DST: variants seen among roughly 807,000 people sequenced by gnomAD.
The protein encoded by DST is dystonin.
Under a neutral mutation model 875.2 loss-of-function variants are expected in DST, and 253 were observed. That is an observed-to-expected ratio of 0.29 (90% CI 0.26 to 0.32). The LOEUF (loss-of-function observed/expected upper bound fraction) is 0.32. Ranked by LOEUF, DST falls within the 10% of genes least tolerant of loss-of-function variation. The pLI is 1.00. For missense variants in DST, 8,287 were observed against 9,111.6 expected (o/e 0.91, Z 3.68); for synonymous variants, 3,124 against 3,197.1 (o/e 0.98, Z 0.77).
At chr6:56,490,524 A>G (rs2095701834) in intron 85 of DST, among the ~76,000 whole-genome samples, 1 of 152,218 alleles carries the variant, frequency 6.6e-6, no homozygotes, top group Non-Finnish European at 1.5e-5. Context: ...GTAAGGACAC[A>G]GACTCACAAA....
At chr6:56,719,029 A>G (rs558592468) in intron 5 of DST, among the ~76,000 whole-genome samples, 58 of 152,330 alleles carry the variant, frequency 3.8e-4, no homozygotes, top group African/African-American at 1.3e-3. Flanking sequence ...AAGCACTTAA[A>G]TGAATTTTAT....
intron 3 of DST, among the ~76,000 whole-genome samples, chr6:56,893,588 AT>A (rs1788963958): frequency 3.1e-5 from 2 of 65,140 alleles, no homozygotes; most frequent in African/African-American, 9.0e-5. Context: ...TTTTTTTTTT[AT>A]TTTTTTTTAT....
chr6:56,535,489 G>A (rs531713038), intron 62 of DST, among the ~76,000 whole-genome samples, 197 bp from the exon 63 acceptor site: 1 of 152,310 alleles, frequency 6.6e-6, no homozygotes, highest in East Asian at 1.9e-4. Context: ...AAGTAGGCAT[G>A]AAAATAAGGT....
intron 5 of DST, among the ~76,000 whole-genome samples, chr6:56,716,021 G>C (rs879365438): frequency 6.6e-6 from 1 of 152,110 alleles, no homozygotes; most frequent in Non-Finnish European, 1.5e-5. Flanking sequence ...TTTCTCCTAT[G>C]AATCTGTCTG....
intron 36 of DST, chr6:56,614,754 T>A (rs996985498): frequency 9.4e-7 from 1 of 1,066,532 alleles, no homozygotes; most frequent in Non-Finnish European, 1.1e-6. Context: ...AAATTTTAAA[T>A]CTCAACTTTA....
At chr6:56,952,314 A>G (rs189392490) in intron 2 of DST, among the ~76,000 whole-genome samples, 3 of 152,360 alleles carry the variant, frequency 2.0e-5, no homozygotes, top group African/African-American at 7.2e-5. Flanking sequence ...ATAATAATCC[A>G]AAACAGGATT....
intron 4 of DST, among the ~76,000 whole-genome samples, chr6:56,749,308 T>A (rs1181176898): frequency 6.6e-6 from 1 of 151,988 alleles, no homozygotes; most frequent in Non-Finnish European, 1.5e-5. Context: ...GAGACGAGAT[T>A]GGGCCACTGC....
rs16888070 is a variant in DST, at chr6:56,631,536, T to C, written c.3964-147A>G. 0.066 allele frequency: 45,962 copies of C among 701,704 alleles called. 4,757 individuals are homozygous for C. The highest frequency in any genetic ancestry group is 0.38 in the African/African-American group (21,319 of 55,618). 43.5% of individuals were successfully genotyped at this position (701,704 alleles called of 1,614,324 possible). ...TTTGTTTGTTATCAAAGAAACTACATCATAGCATTCAAGTTTTACAATCAA... is the reference window on the plus strand; with the variant it reads ...TTTGTTTGTTATCAAAGAAACTACACCATAGCATTCAAGTTTTACAATCAA... On this transcript the variant is annotated intron_variant, in intron 29 of 103. Transcript: ENST00000680361.
At chr6:56,689,559 A>G (rs1276033699) in intron 9 of DST, among the ~76,000 whole-genome samples, 1 of 152,198 alleles carries the variant, frequency 6.6e-6, no homozygotes, top group Non-Finnish European at 1.5e-5. Context: ...GTGTTTTTCA[A>G]TAAGCAATCT....
intron 9 of DST, among the ~76,000 whole-genome samples, chr6:56,685,718 C>G (rs2099181113): frequency 6.6e-6 from 1 of 152,036 alleles, no homozygotes; most frequent in African/African-American, 2.4e-5. Flanking sequence ...CCACTGAATT[C>G]TAGCCTGGGC....
chr6:56,703,790 G>T, intron 6 of DST, 44 bp from the exon 7 acceptor site: 1 of 705,434 alleles, frequency 1.4e-6, no homozygotes, highest in Non-Finnish European at 1.7e-6. Context: ...AAAGACACAA[G>T]ACAGACCAGA....
chr6:56,853,768 G>A (rs1304333473), intron 3 of DST, among the ~76,000 whole-genome samples: 1 of 152,120 alleles, frequency 6.6e-6, no homozygotes, highest in Non-Finnish European at 1.5e-5. Flanking sequence ...CTCATAGCCA[G>A]ATGGGAACAG....
Position 56,630,398 on chromosome 6 carries a change from T to C in DST, c.4143-15A>G, listed in dbSNP as rs1254636086. The C allele has an allele frequency of 3.7e-6, 6 of 1,609,574 alleles. No individual in the cohort carries two copies. The highest frequency in any genetic ancestry group is 5.1e-6 in the Non-Finnish European group (6 of 1,177,948). Reference sequence around the variant, plus strand: ...CAGTTTTCAACCTTAAAAAGGAAATTAAACAATAGCCACCTATGGTTAAAT... The same window carrying C: ...CAGTTTTCAACCTTAAAAAGGAAATCAAACAATAGCCACCTATGGTTAAAT... On this transcript the variant is annotated splice_polypyrimidine_tract_variant and intron_variant, in intron 30 of 103. Coordinates refer to ENST00000680361, the MANE Select transcript of DST (RefSeq NM_001374736.1).
Position 56,699,731 on chromosome 6 carries a change from A to G in DST, c.969T>C (p.Asn323=). ...CATCTGTTATGTCATCATTTCTAAT[A>G]TTCACTAATTTCACCTGTTTTGAAT... ...YLKRRQVKLV[N]IRNDDITDGN... The change falls in exon 9 of 104, where the codon AAT becomes AAC. Residue 323 remains asparagine, a synonymous_variant. Coordinates refer to ENST00000680361, the MANE Select transcript of DST (RefSeq NM_001374736.1). 6.7e-7 allele frequency: 1 copy of G among 1,488,750 alleles called. No homozygotes were observed. Among genetic ancestry groups the G allele is most frequent in the South Asian group, 1.3e-5 (1 of 75,604 alleles). 92.2% of individuals were successfully genotyped at this position (1,488,750 alleles called of 1,614,324 possible).
At chr6:56,763,684 TACACACACAC>T (rs553580754) in intron 4 of DST, among the ~76,000 whole-genome samples, 13,557 of 117,008 alleles carry the variant, frequency 0.12, 872 homozygotes, top group South Asian at 0.18. Flanking sequence ...AAAATACCTA[TACACACACAC>T]ACACACACAC....
At chr6:56,835,748 A>C (rs1470300623) in intron 4 of DST, among the ~76,000 whole-genome samples, 1 of 152,230 alleles carries the variant, frequency 6.6e-6, no homozygotes, top group East Asian at 1.9e-4. Context: ...CATGCCCAGC[A>C]TGGAAAACCA....
At chr6:56,870,351 G>A (rs925999473) in intron 3 of DST, among the ~76,000 whole-genome samples, 17 of 149,178 alleles carry the variant, frequency 1.1e-4, no homozygotes, top group African/African-American at 3.7e-4. Context: ...CCAGGCACTC[G>A]AGCCAGCAAA....
intron 25 of DST, 90 bp from the exon 26 acceptor site, chr6:56,634,706 G>A (rs1322121535): frequency 3.1e-6 from 5 of 1,602,272 alleles, no homozygotes; most frequent in Non-Finnish European, 4.3e-6. Flanking sequence ...GTTTTATGAG[G>A]CGGGAAATCT....
chr6:56,872,598 G>C (rs1777719282), intron 3 of DST, among the ~76,000 whole-genome samples: 1 of 152,066 alleles, frequency 6.6e-6, no homozygotes, highest in African/African-American at 2.4e-5. Flanking sequence ...TCTGTGAACA[G>C]GGAAACAAGA....
Sources: allele counts gnomAD v4.1 joint callset (sites outside exome capture counted in the v4.1 genomes callset), GRCh38; gene constraint gnomAD v4.1.1; transcripts MANE v1.5; gene names NCBI Gene and HGNC (gene_info 2026-07-23, HGNC 2026-07-21).